SHC4: variants seen among roughly 807,000 people sequenced by gnomAD.
SHC4 encodes SHC-transforming protein 4.
SHC4 carries 41 observed loss-of-function variants against 69.4 expected under a neutral mutation model. That is an observed-to-expected ratio of 0.59 (90% CI 0.46 to 0.77). The LOEUF is 0.77. SHC4 is among the 30% of genes least tolerant of loss of function. The pLI is 0.00. For synonymous variants in SHC4, 318 were observed against 299.3 expected, an observed-to-expected ratio of 1.06 and a Z score of -0.64; for missense variants, 777 against 783.8, an observed-to-expected ratio of 0.99 and a Z score of 0.10.
chr15:48,854,553 A>G (rs1200640590), intron 8 of SHC4, among the ~76,000 whole-genome samples: 1 of 152,340 alleles, frequency 6.6e-6, no homozygotes, highest in South Asian at 2.1e-4. Flanking sequence ...AATAGCAAAG[A>G]CATGGAATCA....
chr15:48,825,626 C>T lies in SHC4; in HGVS notation c.*345G>A, dbSNP rs1464468672. 5.3e-6 allele frequency: 1 copy of T among 189,602 alleles called. No individual in the cohort carries two copies. Among genetic ancestry groups the T allele is most frequent in the Non-Finnish European group, 1.1e-5 (1 of 92,068 alleles). 11.7% of individuals were successfully genotyped at this position (189,602 alleles called of 1,614,324 possible). A position where few individuals can be genotyped will look rare whatever the true frequency, so the allele number is the denominator to read the frequency against. On this transcript the variant is annotated 3_prime_UTR_variant, in exon 12 of 12. Transcript: ENST00000332408. ...CCCCAAATTATCAAGTTGAAAGGCA[C>T]ATACCACTGCCCCAGCAGTTCATTC...
intron 1 of SHC4, among the ~76,000 whole-genome samples, chr15:48,952,361 T>G (rs981966625): frequency 1.3e-5 from 2 of 152,170 alleles, no homozygotes; most frequent in Non-Finnish European, 2.9e-5. Context: ...CTCTTAAAAT[T>G]TACTTGTAAA....
intron 8 of SHC4, among the ~76,000 whole-genome samples, chr15:48,854,248 C>T (rs563068093): frequency 1.1e-3 from 161 of 152,240 alleles, no homozygotes; most frequent in Admixed American, 2.4e-3. Context: ...CAGAGAAGTG[C>T]AAATCAAAAC....
At chr15:48,955,489 G>C (rs8027428) in intron 1 of SHC4, among the ~76,000 whole-genome samples, 13,058 of 152,082 alleles carry the variant, frequency 0.086, 1,235 homozygotes, top group African/African-American at 0.24. Flanking sequence ...CCATATTGGG[G>C]AAATGACCCT....
chr15:48,933,627 C>T (rs1901013277), intron 1 of SHC4, among the ~76,000 whole-genome samples: 1 of 152,150 alleles, frequency 6.6e-6, no homozygotes, highest in Non-Finnish European at 1.5e-5. Context: ...TGACATTCAT[C>T]TGTAATTTCA....
chr15:48,843,802 G>C (rs774400288), intron 9 of SHC4, among the ~76,000 whole-genome samples: 1 of 152,010 alleles, frequency 6.6e-6, no homozygotes, highest in Non-Finnish European at 1.5e-5. Context: ...TTCCCTTCTC[G>C]GGCCCAGCCC....
intron 1 of SHC4, among the ~76,000 whole-genome samples, chr15:48,929,666 T>C (rs995079999): frequency 6.6e-6 from 1 of 152,160 alleles, no homozygotes; most frequent in Non-Finnish European, 1.5e-5. Context: ...GGGACCACAA[T>C]GGTAACAGCA....
chr15:48,925,136 C>A (rs1221299700), intron 1 of SHC4, among the ~76,000 whole-genome samples, 187 bp from the exon 2 acceptor site: 3 of 152,162 alleles, frequency 2.0e-5, no homozygotes. Flanking sequence ...AATTCAGTTA[C>A]AAAACACCAG....
At chr15:48,855,912 A>T (rs746933584) in intron 8 of SHC4, 41 bp downstream of exon 8, 139 of 1,572,660 alleles carry the variant, frequency 8.8e-5, no homozygotes, top group Non-Finnish European at 1.2e-4. Flanking sequence ...ATAAGGGCAG[A>T]ATTGCATTGC....
At chr15:48,945,680 A>T (rs1901264132) in intron 1 of SHC4, among the ~76,000 whole-genome samples, 1 of 151,204 alleles carries the variant, frequency 6.6e-6, no homozygotes, top group Admixed American at 6.6e-5. Context: ...CCACAGAGAC[A>T]GGAAGTAGAT....
In SHC4 at chr15:48,825,812, GTTC is replaced by G. The variant is rs1898677501; in HGVS notation, c.*156_*158del. On this transcript the variant is annotated 3_prime_UTR_variant, in exon 12 of 12. Transcript: ENST00000332408. ...CATTTCTGAAGACTAATTTTTGTTA[GTTC>G]TTCATTTTATAGAGGACCTGGTCCA... 1.6e-5 allele frequency: 13 copies of G among 827,312 alleles called. No individual in the cohort carries two copies. Among genetic ancestry groups the G allele is most frequent in the Admixed American group, 3.0e-5 (1 of 32,834 alleles). The allele number at this position is 827,312 out of a possible 1,614,324, so 51.2% of individuals were successfully genotyped here. A position where few individuals can be genotyped will look rare whatever the true frequency, so the allele number is the denominator to read the frequency against.
At chr15:48,828,347 G>C (rs1271168030) in intron 11 of SHC4, among the ~76,000 whole-genome samples, 1 of 151,986 alleles carries the variant, frequency 6.6e-6, no homozygotes, top group Non-Finnish European at 1.5e-5. Context: ...CTTTTCTATG[G>C]TTGTTCTATG....
At chr15:48,885,914 C>A (rs148545174) in intron 3 of SHC4, among the ~76,000 whole-genome samples, 2 of 152,184 alleles carry the variant, frequency 1.3e-5, no homozygotes, top group Admixed American at 1.3e-4. Flanking sequence ...TATTTAACAG[C>A]AAGCTGCTCA....
chr15:48,888,078 A>ATAGAATAAC (rs1900068572), intron 3 of SHC4, among the ~76,000 whole-genome samples: 1 of 152,238 alleles, frequency 6.6e-6, no homozygotes, highest in African/African-American at 2.4e-5. Context: ...AAATTAAAAA[A>ATAGAATAAC]TAGAATAACC....
chr15:48,955,286 C>T (rs764251862), intron 1 of SHC4, among the ~76,000 whole-genome samples: 5 of 152,158 alleles, frequency 3.3e-5, no homozygotes, highest in Non-Finnish European at 7.3e-5. Context: ...AACCTAGCCA[C>T]CTTCAGGTGC....
At chr15:48,910,388 A>G (rs1900486915) in intron 2 of SHC4, among the ~76,000 whole-genome samples, 1 of 151,928 alleles carries the variant, frequency 6.6e-6, no homozygotes, top group Non-Finnish European at 1.5e-5. Flanking sequence ...TTTGTATTTC[A>G]GTGGTGTCAG....
At chr15:48,910,909 T>C (rs1287047522) in intron 2 of SHC4, among the ~76,000 whole-genome samples, 1 of 152,224 alleles carries the variant, frequency 6.6e-6, no homozygotes, top group Non-Finnish European at 1.5e-5. Flanking sequence ...TCCAGTTTTA[T>C]TCCACTGTGG....
At chr15:48,943,671 C>T (rs1393498664) in intron 1 of SHC4, among the ~76,000 whole-genome samples, 1 of 151,942 alleles carries the variant, frequency 6.6e-6, no homozygotes, top group East Asian at 1.9e-4. Flanking sequence ...TTTGAAGAAC[C>T]TCCATATTGT....
At chr15:48,877,240 C>T (rs948216844) in intron 4 of SHC4, 23 of 196,580 alleles carry the variant, frequency 1.2e-4, no homozygotes, top group African/African-American at 5.2e-4. Flanking sequence ...CACTGTGTCT[C>T]ATCACCCCCA....
Sources: allele counts gnomAD v4.1 joint callset (sites outside exome capture counted in the v4.1 genomes callset), GRCh38; gene constraint gnomAD v4.1.1; transcripts MANE v1.5; gene names NCBI Gene and HGNC (gene_info 2026-07-23, HGNC 2026-07-21).